STOX1: variants seen among roughly 807,000 people sequenced by gnomAD.
The protein encoded by STOX1 is storkhead box 1.
STOX1 carries 57 observed loss-of-function variants against 74.8 expected under a neutral mutation model. The observed-to-expected ratio is 0.76, with a 90% CI of 0.62 to 0.95. The LOEUF is 0.95. Among genes scored for constraint, STOX1 ranks in the 40% least tolerant of loss-of-function variants. STOX1 has a pLI of 0.00. For missense variants in STOX1, 1,010 were observed against 1,117.0 expected (o/e 0.90, Z 1.37); for synonymous variants, 375 against 401.3 (o/e 0.93, Z 0.78).
At chr10:68,884,218 T>G (rs1035331701) in intron 2 of STOX1, 42 bp from the exon 3 acceptor site, 1 of 1,583,694 alleles carries the variant, frequency 6.3e-7, no homozygotes, top group Non-Finnish European at 8.7e-7. Context: ...ATTAAAATTT[T>G]TCTTATTCAA....
chr10:68,839,853 A>G (rs1839649976), intron 1 of STOX1, among the ~76,000 whole-genome samples: 1 of 152,138 alleles, frequency 6.6e-6, no homozygotes. Context: ...TTGCGCCACT[A>G]CACAGAGTGA....
At chr10:68,865,764 C>T (rs1357569851) in intron 1 of STOX1, among the ~76,000 whole-genome samples, 1 of 152,184 alleles carries the variant, frequency 6.6e-6, no homozygotes, top group African/African-American at 2.4e-5. Context: ...AGTCAGTTAA[C>T]ATTCTACATT....
chr10:68,861,451 G>A (rs938250445), intron 1 of STOX1, among the ~76,000 whole-genome samples: 4 of 152,092 alleles, frequency 2.6e-5, no homozygotes, highest in African/African-American at 7.3e-5. Flanking sequence ...TCCTCATTCC[G>A]GTAAACCAGC....
intron 1 of STOX1, among the ~76,000 whole-genome samples, chr10:68,866,438 G>A (rs963389272): frequency 1.1e-4 from 17 of 152,054 alleles, no homozygotes; most frequent in Non-Finnish European, 2.2e-4. Context: ...CCCAGTAGGC[G>A]GTTTTCCCTT....
intron 1 of STOX1, among the ~76,000 whole-genome samples, chr10:68,874,232 T>C (rs1840620430): frequency 1.3e-5 from 2 of 151,984 alleles, no homozygotes; most frequent in African/African-American, 4.8e-5. Flanking sequence ...TTTCAGAAAC[T>C]TGGACCCCTA....
chr10:68,862,922 A>G (rs1411320736), intron 1 of STOX1, among the ~76,000 whole-genome samples: 2 of 152,104 alleles, frequency 1.3e-5, no homozygotes, highest in Admixed American at 6.5e-5. Flanking sequence ...GTATGCCTCA[A>G]TTACAGGAGC....
At chr10:68,865,390 C>A (rs982075769) in intron 1 of STOX1, among the ~76,000 whole-genome samples, 2 of 152,242 alleles carry the variant, frequency 1.3e-5, no homozygotes, top group African/African-American at 4.8e-5. Context: ...TGGCTCACGC[C>A]TGTAATCCCA....
At position 68,885,225 on chromosome 10, in the gene STOX1, G is replaced by C. The variant is rs115442093; in HGVS notation, c.1429G>C (p.Gly477Arg). 1,333 of 1,614,144 alleles carry C rather than the reference G, an allele frequency of 8.3e-4. 15 individuals are homozygous for C. The African/African-American group carries it at 0.016, about 20-fold the overall frequency. The change falls in exon 3 of 4, where the codon GGT becomes CGT. Residue 477 changes from glycine to arginine, a missense_variant. By Grantham distance (125) the Gly-to-Arg change is moderately radical. Transcript: ENST00000298596. ...TGAAATGGTAGGTCAGAAACCACTT[G>C]GTGAGATTACAACAGTGCTAGGTTC... ...PNEMVGQKPL[G>R]EITTVLGSHL...
chr10:68,848,155 A>G (rs1246918748), intron 1 of STOX1, among the ~76,000 whole-genome samples: 1 of 137,536 alleles, frequency 7.3e-6, no homozygotes, highest in Admixed American at 7.3e-5. Flanking sequence ...GCCAGGTGGG[A>G]GATAGTGAGG....
downstream of STOX1, among the ~76,000 whole-genome samples, chr10:68,893,431 T>C (rs1326567201): frequency 1.3e-5 from 2 of 152,176 alleles, no homozygotes; most frequent in Non-Finnish European, 2.9e-5. Flanking sequence ...TTTCAGGCCT[T>C]CTTTGAGATG....
At chr10:68,854,718 GC>G (rs1285980586) in intron 1 of STOX1, among the ~76,000 whole-genome samples, 1 of 152,060 alleles carries the variant, frequency 6.6e-6, no homozygotes. Context: ...CTAGGTATAA[GC>G]CAGTGTTTTT....
intron 1 of STOX1, among the ~76,000 whole-genome samples, chr10:68,840,569 T>C (rs1336982527): frequency 6.6e-6 from 1 of 152,178 alleles, no homozygotes; most frequent in East Asian, 1.9e-4. Context: ...TTTATTTTTG[T>C]TTCTTTTTTG....
intron 1 of STOX1, among the ~76,000 whole-genome samples, chr10:68,852,509 C>T (rs1432604189): frequency 6.6e-6 from 1 of 151,858 alleles, no homozygotes; most frequent in African/African-American, 2.4e-5. Context: ...CCACCAGCCT[C>T]GGCCTCCCAA....
chr10:68,880,234 G>A (rs541379381), intron 1 of STOX1, among the ~76,000 whole-genome samples: 2 of 148,852 alleles, frequency 1.3e-5, no homozygotes, highest in Non-Finnish European at 3.0e-5. Flanking sequence ...CTACGCAGGA[G>A]TGCAATGGTG....
chr10:68,847,461 G>A (rs1839882223), intron 1 of STOX1, among the ~76,000 whole-genome samples: 1 of 152,100 alleles, frequency 6.6e-6, no homozygotes, highest in Non-Finnish European at 1.5e-5. Context: ...CCAGGCTGGA[G>A]TGCAATGGCA....
At chr10:68,890,799 C>T (rs947190186) in intron 3 of STOX1, among the ~76,000 whole-genome samples, 7 of 151,762 alleles carry the variant, frequency 4.6e-5, no homozygotes, top group Non-Finnish European at 1.0e-4. Flanking sequence ...TACAGGCACA[C>T]GCCACCACGC....
At chr10:68,868,680 C>T (rs1840465956) in intron 1 of STOX1, among the ~76,000 whole-genome samples, 1 of 152,124 alleles carries the variant, frequency 6.6e-6, no homozygotes, top group South Asian at 2.1e-4. Context: ...GAAACTCCAT[C>T]TCAAAAAAAG....
intron 1 of STOX1, among the ~76,000 whole-genome samples, chr10:68,855,850 T>C (rs971396226): frequency 6.6e-6 from 1 of 151,788 alleles, no homozygotes; most frequent in Non-Finnish European, 1.5e-5. Flanking sequence ...ATAATTCAGG[T>C]CAGTTCTTGT....
chr10:68,830,200 C>T (rs530293072), intron 1 of STOX1, among the ~76,000 whole-genome samples: 6 of 152,262 alleles, frequency 3.9e-5, no homozygotes, highest in African/African-American at 1.4e-4. Context: ...GTAATGCTGC[C>T]TCATAGCACA....
Sources: allele counts gnomAD v4.1 joint callset (sites outside exome capture counted in the v4.1 genomes callset), GRCh38; gene constraint gnomAD v4.1.1; transcripts MANE v1.5; gene names NCBI Gene and HGNC (gene_info 2026-07-23, HGNC 2026-07-21).